HERC1: variants seen among roughly 807,000 people sequenced by gnomAD.
HERC1 encodes the protein probable E3 ubiquitin-protein ligase HERC1.
Under a neutral mutation model 554.3 loss-of-function variants are expected in HERC1, and 160 were observed. The observed-to-expected ratio is 0.29, with a 90% confidence interval of 0.25 to 0.33. The LOEUF (loss-of-function observed/expected upper bound fraction) is 0.33. HERC1 is among the 10% of genes least tolerant of loss of function. The pLI is 1.00. For missense variants in HERC1, 4,919 were observed against 5,918.5 expected, an observed-to-expected ratio of 0.83 and a Z score of 5.54; for synonymous variants, 2,175 against 2,131.7, an observed-to-expected ratio of 1.02 and a Z score of -0.56.
At chr15:63,822,739 A>G (rs1384370905) in intron 1 of HERC1, among the ~76,000 whole-genome samples, 1 of 152,212 alleles carries the variant, frequency 6.6e-6, no homozygotes, top group African/African-American at 2.4e-5. Context: ...ACCAGATAAG[A>G]GACTATTATA....
intron 1 of HERC1, among the ~76,000 whole-genome samples, chr15:63,826,014 CA>C (rs915315717): frequency 9.2e-5 from 14 of 152,124 alleles, no homozygotes; most frequent in African/African-American, 3.4e-4. Flanking sequence ...CCACCCACCT[CA>C]GCCTCCCAAA....
intron 64 of HERC1, 134 bp from the exon 65 acceptor site, chr15:63,636,276 T>G (rs2068774085): frequency 5.6e-6 from 4 of 714,716 alleles, no homozygotes; most frequent in African/African-American, 3.7e-5. Context: ...TTCATTAGTT[T>G]TTTTTTTTTT....
chr15:63,749,928 T>C lies in HERC1; in HGVS notation c.1903-137A>G, dbSNP rs2141803063. 1.3e-6 allele frequency: 1 copy of C among 758,398 alleles called. No homozygotes were observed. 47.0% of individuals were successfully genotyped at this position (758,398 alleles called of 1,614,324 possible). ...TCTGATGTTAAAATCATTTTGATCA[T>C]TTTAAAGATTGTTACAGCGATTTAT... On this transcript the variant is annotated intron_variant, in intron 8 of 77. Coordinates refer to ENST00000443617, the MANE Select transcript of HERC1 (RefSeq NM_003922.4). This position sits in a 1 kb window ranked among gnomAD's most constrained non-coding sequence, Gnocchi z 4.1.
At position 63,652,443 on chromosome 15, in the gene HERC1, T is replaced by A. The variant is rs746224148; in HGVS notation, c.10389A>T (p.Ser3463=). 6.2e-7 allele frequency: 1 copy of A among 1,612,888 alleles called. No homozygotes were observed. Among genetic ancestry groups the A allele is most frequent in the Non-Finnish European group, 8.5e-7 (1 of 1,179,294 alleles). The change falls in exon 52 of 78, where the codon TCA becomes TCT. Residue 3463 remains serine (S), a synonymous_variant. Transcript: ENST00000443617. ...TGTTGAACACACAGGTCTGTTGCAG[T>A]GAATATTGCTTCTTGGTAACATTCC... ...RVWNVTKKQY[S]LQQTCVFNRL...
intron 34 of HERC1, among the ~76,000 whole-genome samples, chr15:63,685,148 A>C (rs910122247): frequency 2.0e-5 from 3 of 152,248 alleles, no homozygotes; most frequent in African/African-American, 7.2e-5. Context: ...CAGCTCCTGC[A>C]GTTTCCACAA....
intron 76 of HERC1, among the ~76,000 whole-genome samples, chr15:63,614,700 C>A (rs939707499): frequency 2.0e-5 from 3 of 152,180 alleles, no homozygotes; most frequent in African/African-American, 7.2e-5. Flanking sequence ...CTATTAATGA[C>A]TGTATTATCA....
At chr15:63,813,824 T>C (rs993537918) in intron 1 of HERC1, among the ~76,000 whole-genome samples, 1 of 152,184 alleles carries the variant, frequency 6.6e-6, no homozygotes, top group Non-Finnish European at 1.5e-5. Flanking sequence ...TCCCAGCACT[T>C]TGGGAGGCCG....
chr15:63,773,164 C>T lies in HERC1; in HGVS notation c.930+1530G>A, dbSNP rs534690987. The stretch of plus-strand genomic sequence containing the variant: ...ACCGAAAAGACTAATCAATGTAGGC[C>T]GGGTGTGGTGGCTCACACCTGTAAT... On this transcript the variant is annotated intron_variant, in intron 2 of 77. Transcript: ENST00000443617. Among the ~76,000 whole-genome samples the T allele has an allele frequency of 2.1e-4, 32 of 152,128 alleles. 1 individual carries two copies. The highest frequency in any genetic ancestry group is 1.2e-3 in the South Asian group (6 of 4,818).
chr15:63,629,462 T>A (rs905360957), intron 69 of HERC1, among the ~76,000 whole-genome samples: 1 of 152,198 alleles, frequency 6.6e-6, no homozygotes, highest in African/African-American at 2.4e-5. Context: ...TAAAACACAC[T>A]GATTTCTGTG....
At chr15:63,704,643 C>G (rs1180869328) in intron 25 of HERC1, among the ~76,000 whole-genome samples, 2 of 151,814 alleles carry the variant, frequency 1.3e-5, no homozygotes, top group Non-Finnish European at 2.9e-5. Context: ...AAATGAACTA[C>G]CAATTTTCAA....
Position 63,820,791 on chromosome 15 carries a change from T to G in HERC1, c.-27+13036A>C, listed in dbSNP as rs116739150. Among the ~76,000 whole-genome samples the G allele has an allele frequency of 3.9e-3, 590 of 152,302 alleles. 8 individuals carry two copies. The highest frequency in any genetic ancestry group is 0.014 in the African/African-American group (565 of 41,562). On this transcript the variant is annotated intron_variant, in intron 1 of 77. Transcript: ENST00000443617. The stretch of plus-strand genomic sequence containing the variant: ...CCTTGGCCTCCCAAGTAGCTAGGAC[T>G]ATAGGCATGCCACCATGCCCAGCTT...
At chr15:63,801,117 C>A (rs1174101004) in intron 1 of HERC1, among the ~76,000 whole-genome samples, 1 of 152,136 alleles carries the variant, frequency 6.6e-6, no homozygotes, top group African/African-American at 2.4e-5. Flanking sequence ...AAACTCCATG[C>A]CCCTACCCCC....
At chr15:63,831,494 C>T (rs1039624666) in intron 1 of HERC1, among the ~76,000 whole-genome samples, 5 of 152,182 alleles carry the variant, frequency 3.3e-5, no homozygotes, top group Admixed American at 1.3e-4. Context: ...CCAACTATAA[C>T]ATTCAAGTTT....
At chr15:63,669,083 A>G (rs2070776975) in intron 40 of HERC1, among the ~76,000 whole-genome samples, 1 of 152,264 alleles carries the variant, frequency 6.6e-6, no homozygotes, top group East Asian at 1.9e-4. Context: ...TCTGACAATA[A>G]TAAAATTAGA....
At chr15:63,726,373 AAT>A (rs1238255785) in intron 17 of HERC1, among the ~76,000 whole-genome samples, 1 of 152,232 alleles carries the variant, frequency 6.6e-6, no homozygotes, top group Non-Finnish European at 1.5e-5. Flanking sequence ...ATGAAATAAA[AAT>A]AGAGACTGAA....
intron 8 of HERC1, among the ~76,000 whole-genome samples, chr15:63,750,705 G>A (rs531971933): frequency 2.0e-5 from 3 of 152,302 alleles, no homozygotes; most frequent in African/African-American, 4.8e-5. Flanking sequence ...GCTATGGCAG[G>A]AGGATCACCC....
At chr15:63,753,789 G>C (rs2141950340) in intron 7 of HERC1, among the ~76,000 whole-genome samples, 1 of 152,202 alleles carries the variant, frequency 6.6e-6, no homozygotes, top group Admixed American at 6.5e-5. Context: ...TCAACAATAA[G>C]AAACTGGTTT....
In HERC1 at chr15:63,640,352, A is replaced by C; in HGVS notation, c.11701T>G (p.Cys3901Gly). 1 of 1,613,896 alleles carries C rather than the reference A, an allele frequency of 6.2e-7. No homozygotes were observed. Among genetic ancestry groups the C allele is most frequent in the East Asian group, 2.2e-5 (1 of 44,888 alleles). The change falls in exon 61 of 78, where the codon TGT becomes GGT. Residue 3901 changes from cysteine (C) to glycine (G), a missense_variant. Transcript: ENST00000443617. ...TGGTGTGGTGGCACTGGAGGGTTAC[A>C]CAACAGCTGATCCAGATGAAGTCCC... ...AVGLHLDQLL[C>G]NPPVPPHHQN...
At chr15:63,650,610 G>A (rs1168542180) in intron 53 of HERC1, among the ~76,000 whole-genome samples, 1 of 152,046 alleles carries the variant, frequency 6.6e-6, no homozygotes, top group East Asian at 1.9e-4. Context: ...GGGCAAAATG[G>A]TAGCGTTATA....
Sources: allele counts gnomAD v4.1 joint callset (sites outside exome capture counted in the v4.1 genomes callset), GRCh38; gene constraint gnomAD v4.1.1; non-coding constraint Gnocchi (gnomAD v3.1); transcripts MANE v1.5; gene names NCBI Gene and HGNC (gene_info 2026-07-23, HGNC 2026-07-21).